The following CNTN1 variants were observed in gnomAD, a reference collection of about 807,000 sequenced individuals.
CNTN1 encodes contactin-1.
In CNTN1, 38 loss-of-function variants were observed where a neutral mutation model predicts 126.4. That is an observed-to-expected ratio of 0.30 (90% CI 0.23 to 0.39). The LOEUF (loss-of-function observed/expected upper bound fraction) is 0.39. CNTN1 is among the 10% of genes least tolerant of loss of function. The pLI is 1.00. For missense variants in CNTN1, 1,009 were observed against 1,248.4 expected (o/e 0.81, Z 2.89); for synonymous variants, 413 against 422.6 (o/e 0.98, Z 0.28).
At chr12:40,752,153 A>C (rs1043661032) in intron 1 of CNTN1, among the ~76,000 whole-genome samples, 6 of 152,108 alleles carry the variant, frequency 3.9e-5, no homozygotes, top group African/African-American at 1.4e-4. Flanking sequence ...ACTAACACAG[A>C]AACAAAGGCT....
chr12:40,832,910 C>G (rs974187903), intron 1 of CNTN1, among the ~76,000 whole-genome samples: 2 of 152,110 alleles, frequency 1.3e-5, no homozygotes, highest in Non-Finnish European at 2.9e-5. Context: ...CTAGCCAATC[C>G]TAAGCACTTA....
At chr12:40,910,171 T>A in intron 3 of CNTN1, 66 bp downstream of exon 3, 1 of 1,239,418 alleles carries the variant, frequency 8.1e-7, no homozygotes, top group Non-Finnish European at 1.2e-6. Context: ...TTATCTCTGC[T>A]TTAAACTATT....
intron 3 of CNTN1, among the ~76,000 whole-genome samples, chr12:40,911,516 T>C: frequency 6.6e-6 from 1 of 152,238 alleles, no homozygotes; most frequent in Non-Finnish European, 1.5e-5. Flanking sequence ...GGCTGCTTTT[T>C]CCAATTCCTT....
At chr12:41,042,910 T>G (rs1464368200) in intron 23 of CNTN1, among the ~76,000 whole-genome samples, 2 of 152,188 alleles carry the variant, frequency 1.3e-5, no homozygotes, top group African/African-American at 2.4e-5. Context: ...AAGGATTCCC[T>G]ATTTAATAAA....
At chr12:40,888,371 C>A (rs1041670336) in intron 1 of CNTN1, among the ~76,000 whole-genome samples, 8 of 151,980 alleles carry the variant, frequency 5.3e-5, no homozygotes, top group African/African-American at 1.7e-4. Context: ...AAAACAATAA[C>A]TAATTTTTCA....
At chr12:41,009,363 C>G (rs1486687474) in intron 17 of CNTN1, among the ~76,000 whole-genome samples, 1 of 152,090 alleles carries the variant, frequency 6.6e-6, no homozygotes, top group Non-Finnish European at 1.5e-5. Flanking sequence ...TGTCATTTCC[C>G]AGGATTAATT....
intron 23 of CNTN1, among the ~76,000 whole-genome samples, chr12:41,047,427 G>A (rs371237042): frequency 6.6e-6 from 1 of 151,986 alleles, no homozygotes; most frequent in African/African-American, 2.4e-5. Flanking sequence ...TGCTCCTTCT[G>A]CAGTCTATTC....
At chr12:40,760,982 CA>C (rs1344874047) in intron 1 of CNTN1, among the ~76,000 whole-genome samples, 1 of 151,954 alleles carries the variant, frequency 6.6e-6, no homozygotes, top group East Asian at 1.9e-4. Context: ...ATTACTCTGT[CA>C]AATAAAATTT....
intron 1 of CNTN1, among the ~76,000 whole-genome samples, chr12:40,802,785 C>T (rs983892792): frequency 6.6e-6 from 1 of 151,972 alleles, no homozygotes; most frequent in African/African-American, 2.4e-5. Context: ...TTTCAAAACA[C>T]TCTCATAAAA....
intron 11 of CNTN1, 146 bp from the exon 12 acceptor site, chr12:40,939,189 A>C (rs922595759): frequency 2.8e-5 from 22 of 776,734 alleles, no homozygotes; most frequent in Non-Finnish European, 4.4e-5. Flanking sequence ...TTAGGTATAG[A>C]ATGCCTATTG....
rs143257056 is a variant in CNTN1, at chr12:40,752,128, C to T, written c.-77+59536C>T. The stretch of plus-strand genomic sequence containing the variant: ...AAATAAATTTGGAATATATAATTCT[C>T]CTTGACAACTGTGCACTAACACAGA... On this transcript the variant is annotated intron_variant, in intron 1 of 23. Coordinates refer to ENST00000551295, the MANE Select transcript of CNTN1 (RefSeq NM_001843.4). Among the ~76,000 whole-genome samples the T allele has an allele frequency of 2.0e-3, 306 of 152,040 alleles. 4 individuals carry two copies. The highest frequency in any genetic ancestry group is 7.2e-3 in the African/African-American group (297 of 41,486).
At chr12:40,800,489 A>T (rs1244040475) in intron 1 of CNTN1, among the ~76,000 whole-genome samples, 1 of 152,028 alleles carries the variant, frequency 6.6e-6, no homozygotes, top group African/African-American at 2.4e-5. Flanking sequence ...TATCCTTATT[A>T]AAAAATAATA....
At chr12:40,975,086 G>T (rs1349939260) in intron 15 of CNTN1, among the ~76,000 whole-genome samples, 7 of 150,302 alleles carry the variant, frequency 4.7e-5, no homozygotes, top group Non-Finnish European at 1.0e-4. Flanking sequence ...AGAAAACCCT[G>T]TCTTTGATCC....
intron 23 of CNTN1, among the ~76,000 whole-genome samples, chr12:41,044,958 A>C (rs1338764660): frequency 6.6e-6 from 1 of 152,114 alleles, no homozygotes; most frequent in Non-Finnish European, 1.5e-5. Flanking sequence ...CCAATTTATG[A>C]TATATGCATG....
intron 1 of CNTN1, among the ~76,000 whole-genome samples, chr12:40,888,424 T>G (rs1160966381): frequency 4.6e-5 from 7 of 152,194 alleles, no homozygotes; most frequent in Admixed American, 2.6e-4. Context: ...AGACTTTAGG[T>G]ACATTAATTT....
chr12:41,051,231 T>C (rs1949671658), intron 23 of CNTN1, among the ~76,000 whole-genome samples: 1 of 146,710 alleles, frequency 6.8e-6, no homozygotes, highest in Admixed American at 6.8e-5. Context: ...CACTGCAAGC[T>C]CTGCCTCCCA....
intron 23 of CNTN1, among the ~76,000 whole-genome samples, chr12:41,055,282 C>T (rs1949779107): frequency 6.6e-6 from 1 of 152,032 alleles, no homozygotes; most frequent in Non-Finnish European, 1.5e-5. Flanking sequence ...TTGTGAATAT[C>T]CAGGATAACT....
chr12:40,843,586 G>A (rs1055947110), intron 1 of CNTN1, among the ~76,000 whole-genome samples: 3 of 151,876 alleles, frequency 2.0e-5, no homozygotes, highest in South Asian at 4.1e-4. Context: ...AGGTCTTCTC[G>A]GCTCACATAT....
chr12:40,855,767 T>A (rs1487529174), intron 1 of CNTN1, among the ~76,000 whole-genome samples: 1 of 152,128 alleles, frequency 6.6e-6, no homozygotes. Flanking sequence ...TTTTAATCCC[T>A]CTACCTTTGG....
Sources: gnomAD v4.1 joint callset for allele counts (sites outside exome capture counted in the v4.1 genomes callset) on GRCh38, gnomAD v4.1.1 for gene constraint, MANE v1.5 for transcripts, NCBI Gene and HGNC (gene_info 2026-07-23, HGNC 2026-07-21) for gene names.